The following DPYD variants were observed in gnomAD, a reference collection of about 807,000 sequenced individuals.
DPYD encodes dihydropyrimidine dehydrogenase, also known as dihydropyrimidine dehydrogenase [NADP(+)].
DPYD carries 109 observed loss-of-function variants against 116.2 expected under a neutral mutation model. The observed-to-expected ratio is 0.94, with a 90% CI of 0.80 to 1.10. The LOEUF (loss-of-function observed/expected upper bound fraction) is 1.10. DPYD is among the 50% of genes least tolerant of loss of function. DPYD has a pLI of 0.00. For synonymous variants in DPYD, 440 were observed against 432.0 expected, an observed-to-expected ratio of 1.02 and a Z score of -0.23; for missense variants, 1,302 against 1,254.5, an observed-to-expected ratio of 1.04 and a Z score of -0.57.
intron 16 of DPYD, among the ~76,000 whole-genome samples, chr1:97,309,654 C>G (rs1175371875): frequency 1.3e-5 from 2 of 151,608 alleles, no homozygotes; most frequent in Admixed American, 1.3e-4. Context: ...TGAGGTACAG[C>G]CCAGTGTCTG....
intron 3 of DPYD, among the ~76,000 whole-genome samples, chr1:97,786,527 T>C (rs1667042411): frequency 6.6e-6 from 1 of 152,186 alleles, no homozygotes; most frequent in African/African-American, 2.4e-5. Flanking sequence ...CAAAGGACCA[T>C]CCATTCAATA....
chr1:97,163,004 G>A (rs1198317226), intron 20 of DPYD, among the ~76,000 whole-genome samples: 4 of 151,196 alleles, frequency 2.6e-5, no homozygotes, highest in Non-Finnish European at 5.9e-5. Context: ...AGACTTAAAC[G>A]TTAGACCTAA....
At chr1:97,777,883 G>A (rs1666506528) in intron 3 of DPYD, among the ~76,000 whole-genome samples, 1 of 152,004 alleles carries the variant, frequency 6.6e-6, no homozygotes. Context: ...TAGGAGCCAG[G>A]TGTAGTGGCT....
Position 97,240,866 on chromosome 1 carries a change from T to A in DPYD, c.2300-5872A>T, listed in dbSNP as rs532020804. ...TGAAGTTAATATACTAATAAATACA[T>A]GGGACACACCTATTTAAAAATAACA... On this transcript the variant is annotated intron_variant, in intron 18 of 22. Coordinates refer to ENST00000370192, the MANE Select transcript of DPYD (RefSeq NM_000110.4). 3.3e-5 allele frequency among the ~76,000 whole-genome samples: 5 copies of A among 152,100 alleles called. No homozygotes were observed. In the East Asian group the frequency reaches 7.7e-4, roughly 24 times the overall value.
At chr1:97,893,437 T>TATATATATATATA (rs1311519287) in intron 1 of DPYD, among the ~76,000 whole-genome samples, 8 of 137,264 alleles carry the variant, frequency 5.8e-5, no homozygotes, top group Admixed American at 2.9e-4. Context: ...CGCATATATA[T>TATATATATATATA]ATATATATAT....
chr1:97,477,604 C>CTTTTTTTTTTTTTTTTT (rs56199931), intron 13 of DPYD, among the ~76,000 whole-genome samples: 5 of 113,654 alleles, frequency 4.4e-5, no homozygotes, highest in African/African-American at 1.7e-4. Context: ...GACTGTTCTT[C>CTTTTTTTTTTTTTTTTT]TTTTTTTTTT....
At chr1:97,423,203 T>C (rs1048716407) in intron 14 of DPYD, among the ~76,000 whole-genome samples, 45 of 152,134 alleles carry the variant, frequency 3.0e-4, no homozygotes, top group African/African-American at 1.0e-3. Flanking sequence ...TAGAAAATGC[T>C]CCAGCTCTCC....
rs776607468 is a variant in DPYD at position 97,560,466 on chromosome 1, G to A, written c.1340-10722C>T. Among the ~76,000 whole-genome samples the A allele has an allele frequency of 3.3e-5, 5 of 150,684 alleles. No homozygotes were observed. The South Asian group carries it at 1.0e-3, about 32-fold the overall frequency. On this transcript the variant is annotated intron_variant, in intron 11 of 22. Coordinates refer to ENST00000370192, the MANE Select transcript of DPYD (RefSeq NM_000110.4). Reference sequence around the variant, plus strand: ...GACAAAGTATCTGGCAAAGACATAAGACAGTGTACACAAGCTATTCTTCCC... The same window carrying A: ...GACAAAGTATCTGGCAAAGACATAAAACAGTGTACACAAGCTATTCTTCCC...
intron 18 of DPYD, among the ~76,000 whole-genome samples, chr1:97,255,648 G>A (rs1042089660): frequency 1.3e-5 from 2 of 151,484 alleles, no homozygotes; most frequent in Non-Finnish European, 2.9e-5. Context: ...TCTTGGGTAT[G>A]TCTTTATCAG....
At chr1:97,103,719 G>A (rs989746859) in intron 20 of DPYD, among the ~76,000 whole-genome samples, 2 of 152,080 alleles carry the variant, frequency 1.3e-5, no homozygotes, top group Admixed American at 1.3e-4. Flanking sequence ...GCACTCATTA[G>A]CTGTGTGACT....
intron 3 of DPYD, among the ~76,000 whole-genome samples, chr1:97,821,739 T>C (rs1668951210): frequency 6.6e-6 from 1 of 152,182 alleles, no homozygotes; most frequent in Non-Finnish European, 1.5e-5. Flanking sequence ...AACTTCTCCA[T>C]TGAATTCCAT....
chr1:97,384,491 T>A (rs1432223429), intron 14 of DPYD, among the ~76,000 whole-genome samples: 1 of 152,114 alleles, frequency 6.6e-6, no homozygotes, highest in African/African-American at 2.4e-5. Flanking sequence ...ACTGAAAGAA[T>A]AAATGAATGA....
intron 3 of DPYD, among the ~76,000 whole-genome samples, chr1:97,801,548 G>C (rs1178378700): frequency 6.6e-6 from 1 of 151,818 alleles, no homozygotes; most frequent in East Asian, 1.9e-4. Flanking sequence ...AAATAAATTA[G>C]AAAAATGGAT....
chr1:97,665,125 G>A (rs1367707439), intron 8 of DPYD, among the ~76,000 whole-genome samples: 1 of 151,832 alleles, frequency 6.6e-6, no homozygotes. Flanking sequence ...ACATTAGAAT[G>A]GGAAAAAAGG....
At position 97,299,236 on chromosome 1, in the gene DPYD, T is replaced by C. The variant is rs554559350; in HGVS notation, c.2299+6023A>G. Reference sequence around the variant, plus strand: ...ATACTCTCTAGTTTTACTTTCATAATAGAACATTTTTTGATTAATTTCAAG... The same window carrying C: ...ATACTCTCTAGTTTTACTTTCATAACAGAACATTTTTTGATTAATTTCAAG... On this transcript the variant is annotated intron_variant, in intron 18 of 22. Transcript: ENST00000370192. Among the ~76,000 whole-genome samples, 4 of 152,274 alleles carry C rather than the reference T, an allele frequency of 2.6e-5. No homozygotes were observed. The South Asian group carries it at 6.2e-4, about 24-fold the overall frequency.
intron 20 of DPYD, among the ~76,000 whole-genome samples, chr1:97,152,020 T>G (rs1238982209): frequency 6.6e-6 from 1 of 152,214 alleles, no homozygotes; most frequent in Non-Finnish European, 1.5e-5. Context: ...TACAGTTATT[T>G]AAAAATTAAC....
chr1:97,164,825 A>C (rs961843706), intron 20 of DPYD, among the ~76,000 whole-genome samples: 2 of 152,130 alleles, frequency 1.3e-5, no homozygotes, highest in Non-Finnish European at 2.9e-5. Flanking sequence ...AGGAGGAATC[A>C]ATGTTATTAA....
intron 4 of DPYD, among the ~76,000 whole-genome samples, chr1:97,739,208 T>C (rs1315649272): frequency 6.6e-6 from 1 of 152,110 alleles, no homozygotes; most frequent in African/African-American, 2.4e-5. Context: ...CTATAGTATT[T>C]ACCATATTGA....
At chr1:97,360,018 T>A (rs1475256602) in intron 16 of DPYD, among the ~76,000 whole-genome samples, 1 of 151,978 alleles carries the variant, frequency 6.6e-6, no homozygotes. Flanking sequence ...ACTGGCAAAC[T>A]GGATATTCAA....
Sources: gnomAD v4.1 joint callset for allele counts (sites outside exome capture counted in the v4.1 genomes callset) on GRCh38, gnomAD v4.1.1 for gene constraint, MANE v1.5 for transcripts, NCBI Gene and HGNC (gene_info 2026-07-23, HGNC 2026-07-21) for gene names.